The following CADM2 variants were observed in gnomAD, a reference collection of about 807,000 sequenced individuals.
The protein encoded by CADM2 is cell adhesion molecule 2, also known as immunoglobulin superfamily member 4D.
Under a neutral mutation model 49.8 loss-of-function variants are expected in CADM2, and 12 were observed. The observed-to-expected ratio is 0.24, with a 90% CI of 0.15 to 0.39. The LOEUF is 0.39. CADM2 is among the 10% of genes least tolerant of loss of function. The probability of loss-of-function intolerance (pLI) is 1.00; values close to 1 mark genes in which losing one functional copy is unlikely to be tolerated. For synonymous variants in CADM2, 214 were observed against 175.4 expected (o/e 1.22, Z -1.74); for missense variants, 378 against 492.3 (o/e 0.77, Z 2.20).
At chr3:85,184,145 C>T (rs2040998101) in intron 1 of CADM2, among the ~76,000 whole-genome samples, 1 of 151,942 alleles carries the variant, frequency 6.6e-6, no homozygotes, top group South Asian at 2.1e-4. Context: ...GAGAGGCAAA[C>T]ACAGCATGGA....
intron 1 of CADM2, among the ~76,000 whole-genome samples, chr3:85,378,345 A>T (rs1290383231): frequency 6.6e-6 from 1 of 152,010 alleles, no homozygotes; most frequent in Non-Finnish European, 1.5e-5. Context: ...TTGTTCCTGC[A>T]GGAGGCTCTC....
intron 1 of CADM2, among the ~76,000 whole-genome samples, chr3:85,429,690 C>A (rs1055218011): frequency 6.6e-6 from 1 of 152,004 alleles, no homozygotes; most frequent in South Asian, 2.1e-4. Context: ...GATAAAGTCC[C>A]TACATTCCCA....
At position 85,135,460 on chromosome 3, in the gene CADM2, T is replaced by C. The variant is rs114140708; in HGVS notation, c.61+175792T>C. 2.8e-3 allele frequency among the ~76,000 whole-genome samples: 423 copies of C among 152,228 alleles called. 2 individuals carry two copies. Among genetic ancestry groups the C allele is most frequent in the African/African-American group, 9.9e-3 (410 of 41,584 alleles). On this transcript the variant is annotated intron_variant, in intron 1 of 9. Coordinates refer to ENST00000383699, the MANE Select transcript of CADM2 (RefSeq NM_001167675.2). ...AAACATAAATGTAGTCATGTTAAAA[T>C]ATTACTATCTTGTAAATGTATAATG...
At chr3:85,981,552 CT>C (rs1559781013) in intron 8 of CADM2, among the ~76,000 whole-genome samples, 1 of 151,554 alleles carries the variant, frequency 6.6e-6, no homozygotes, top group Non-Finnish European at 1.5e-5. Context: ...TGTTCCCATC[CT>C]TGTGTCCATG....
At chr3:85,573,301 T>TC (rs2107255705) in intron 1 of CADM2, among the ~76,000 whole-genome samples, 1 of 152,154 alleles carries the variant, frequency 6.6e-6, no homozygotes, top group East Asian at 1.9e-4. Context: ...CAAGTGATTC[T>TC]CATGCCTCAG....
At chr3:85,567,311 A>G (rs1403711433) in intron 1 of CADM2, among the ~76,000 whole-genome samples, 3 of 152,146 alleles carry the variant, frequency 2.0e-5, no homozygotes, top group Non-Finnish European at 4.4e-5. Flanking sequence ...ACAGGCCTTT[A>G]CTGCCTTACT....
chr3:85,507,408 T>G (rs982276012), intron 1 of CADM2, among the ~76,000 whole-genome samples: 2 of 151,858 alleles, frequency 1.3e-5, no homozygotes, highest in African/African-American at 4.8e-5. Context: ...AGGCTGGTCT[T>G]AAACTCCTGA....
chr3:85,406,486 A>G (rs931160549), intron 1 of CADM2, among the ~76,000 whole-genome samples: 1 of 152,188 alleles, frequency 6.6e-6, no homozygotes, highest in Non-Finnish European at 1.5e-5. Context: ...ACCAAATTTA[A>G]TATTTAGCTG....
chr3:85,397,502 G>C (rs1343457779), intron 1 of CADM2, among the ~76,000 whole-genome samples: 1 of 152,102 alleles, frequency 6.6e-6, no homozygotes, highest in Non-Finnish European at 1.5e-5. Context: ...CAGATTAATG[G>C]ATAAGCAAAG....
At chr3:85,852,687 C>T (rs1428288858) in intron 3 of CADM2, among the ~76,000 whole-genome samples, 1 of 152,176 alleles carries the variant, frequency 6.6e-6, no homozygotes, top group African/African-American at 2.4e-5. Context: ...AGAAAAGAGA[C>T]ATGCAAAACA....
At position 86,066,810 on chromosome 3, in the gene CADM2, C is replaced by T. The variant is rs1157459104; in HGVS notation, c.*27C>T. 1 of 1,472,578 alleles carries T rather than the reference C, an allele frequency of 6.8e-7. No individual in the cohort carries two copies. Among genetic ancestry groups the T allele is most frequent in the Non-Finnish European group, 9.5e-7 (1 of 1,051,720 alleles). 91.2% of individuals were successfully genotyped at this position (1,472,578 alleles called of 1,614,324 possible). On this transcript the variant is annotated 3_prime_UTR_variant, in exon 10 of 10. Transcript: ENST00000383699. Reference sequence around the variant, plus strand: ...ATGCAGGCCAAGATTCTGAGTTTTACTACCAGGCTGAATGCTGGAGAAAAC... The same window carrying T: ...ATGCAGGCCAAGATTCTGAGTTTTATTACCAGGCTGAATGCTGGAGAAAAC...
chr3:85,488,455 G>A (rs538896998), intron 1 of CADM2, among the ~76,000 whole-genome samples: 12 of 152,078 alleles, frequency 7.9e-5, no homozygotes, highest in Non-Finnish European at 1.5e-4. Flanking sequence ...TCAGCCTCTG[G>A]ATTTTTTAGA....
At chr3:85,804,054 T>C (rs570625540) in intron 3 of CADM2, among the ~76,000 whole-genome samples, 13 of 152,264 alleles carry the variant, frequency 8.5e-5, no homozygotes, top group Admixed American at 7.9e-4. Flanking sequence ...AAAAATTAAA[T>C]GCATACACAA....
At chr3:85,661,982 T>G (rs1353884185) in intron 1 of CADM2, among the ~76,000 whole-genome samples, 1 of 152,088 alleles carries the variant, frequency 6.6e-6, no homozygotes, top group Admixed American at 6.6e-5. Context: ...CAGTAGGTAA[T>G]TATTCATTGT....
intron 1 of CADM2, among the ~76,000 whole-genome samples, chr3:85,212,830 CTTTCTTTCTTTCTTTCTTTCT>C: frequency 1.0e-5 from 1 of 99,768 alleles, no homozygotes; most frequent in Non-Finnish European, 2.0e-5. Flanking sequence ...TTCTTTCTTT[CTTTCTTTCTTTCTTTCTTTCT>C]TTCTTTCTTT....
chr3:85,174,694 T>A (rs2040729523), intron 1 of CADM2, among the ~76,000 whole-genome samples: 1 of 152,154 alleles, frequency 6.6e-6, no homozygotes, highest in Non-Finnish European at 1.5e-5. Flanking sequence ...GTATTCACTC[T>A]TTCAAGCTTG....
intron 8 of CADM2, among the ~76,000 whole-genome samples, chr3:85,997,935 A>G (rs1011624976): frequency 4.6e-5 from 7 of 152,332 alleles, no homozygotes; most frequent in Non-Finnish European, 8.8e-5. Flanking sequence ...TGTATCATTT[A>G]TCATCAATTC....
intron 3 of CADM2, among the ~76,000 whole-genome samples, chr3:85,816,581 A>G (rs918167565): frequency 2.6e-5 from 4 of 152,298 alleles, no homozygotes; most frequent in African/African-American, 7.2e-5. Context: ...TTTTAACATC[A>G]AGTACAAAAT....
chr3:86,024,495 T>C (rs557882240), intron 8 of CADM2, among the ~76,000 whole-genome samples: 3 of 152,188 alleles, frequency 2.0e-5, no homozygotes, highest in Admixed American at 6.5e-5. Context: ...AGGTACAAGT[T>C]GAAATTATCT....
Sources: gnomAD v4.1 joint callset for allele counts (sites outside exome capture counted in the v4.1 genomes callset) on GRCh38, gnomAD v4.1.1 for gene constraint, MANE v1.5 for transcripts, NCBI Gene and HGNC (gene_info 2026-07-23, HGNC 2026-07-21) for gene names.